CTNNA3: variants seen among roughly 807,000 people sequenced by gnomAD.
CTNNA3 encodes catenin alpha 3.
CTNNA3 carries 76 observed loss-of-function variants against 95.7 expected under a neutral mutation model. The ratio of observed to expected loss-of-function variants is 0.79; its 90% confidence interval spans 0.66 to 0.96. The LOEUF (loss-of-function observed/expected upper bound fraction) is 0.96. Ranked by LOEUF, CTNNA3 falls within the 40% of genes least tolerant of loss-of-function variation. The pLI is 0.00. For missense variants in CTNNA3, 1,191 were observed against 1,089.8 expected (o/e 1.09, Z -1.31); for synonymous variants, 431 against 374.4 (o/e 1.15, Z -1.74).
At chr10:66,324,473 G>A (rs944743347) in intron 12 of CTNNA3, among the ~76,000 whole-genome samples, 7 of 152,176 alleles carry the variant, frequency 4.6e-5, no homozygotes, top group African/African-American at 1.7e-4. Context: ...CCACTGAACT[G>A]GTTAACACTT....
intron 5 of CTNNA3, among the ~76,000 whole-genome samples, chr10:67,296,467 TA>T (rs1840033949): frequency 1.3e-5 from 2 of 152,214 alleles, no homozygotes; most frequent in South Asian, 4.1e-4. Flanking sequence ...TAAAATATTT[TA>T]TAAGTCCAAA....
intron 9 of CTNNA3, among the ~76,000 whole-genome samples, chr10:66,652,592 A>C (rs1564596465): frequency 6.6e-6 from 1 of 152,134 alleles, no homozygotes; most frequent in Non-Finnish European, 1.5e-5. Flanking sequence ...TCCTTCTCAA[A>C]CTCTTCTGAA....
At chr10:66,118,737 G>A (rs1419081182) in intron 13 of CTNNA3, among the ~76,000 whole-genome samples, 1 of 152,124 alleles carries the variant, frequency 6.6e-6, no homozygotes, top group Non-Finnish European at 1.5e-5. Flanking sequence ...GTTTTACAAT[G>A]AGAGAGCTGA....
At chr10:67,739,460 C>T (rs1314055565) in intron 1 of CTNNA3, among the ~76,000 whole-genome samples, 2 of 152,112 alleles carry the variant, frequency 1.3e-5, no homozygotes, top group South Asian at 4.1e-4. Context: ...TCAGCAAAGT[C>T]TCAGGATACA....
intron 10 of CTNNA3, among the ~76,000 whole-genome samples, chr10:66,544,094 A>T (rs1276165275): frequency 6.6e-6 from 1 of 151,892 alleles, no homozygotes; most frequent in East Asian, 1.9e-4. Context: ...ATAGTATTTT[A>T]GAATTTACTT....
intron 5 of CTNNA3, among the ~76,000 whole-genome samples, chr10:67,323,752 G>T (rs1841423658): frequency 6.6e-6 from 1 of 152,056 alleles, no homozygotes; most frequent in Non-Finnish European, 1.5e-5. Context: ...TGTTTCAATG[G>T]TAGTTTAATA....
intron 9 of CTNNA3, among the ~76,000 whole-genome samples, chr10:66,668,727 A>G (rs7906022): frequency 0.42 from 63,630 of 151,668 alleles, 16,120 homozygotes; most frequent in African/African-American, 0.71. Flanking sequence ...CATGAGAATC[A>G]CTTAAACCTG....
intron 5 of CTNNA3, among the ~76,000 whole-genome samples, chr10:67,324,772 GA>G (rs1451007251): frequency 6.6e-6 from 1 of 151,184 alleles, no homozygotes; most frequent in Non-Finnish European, 1.5e-5. Context: ...GTAGAAAGAA[GA>G]CCCTCCTTCT....
chr10:66,521,804 G>T (rs55742354), intron 10 of CTNNA3, among the ~76,000 whole-genome samples: 1 of 152,038 alleles, frequency 6.6e-6, no homozygotes, highest in Non-Finnish European at 1.5e-5. Flanking sequence ...TGCTTTGATT[G>T]TGATGTCTTC....
At chr10:66,672,305 G>C (rs1846691388) in intron 9 of CTNNA3, among the ~76,000 whole-genome samples, 1 of 152,114 alleles carries the variant, frequency 6.6e-6, no homozygotes, top group African/African-American at 2.4e-5. Context: ...AAGATATAAA[G>C]AGCTGAATTT....
chr10:66,043,974 GTGTGTGTGTGTGTGTGTGTGTT>G (rs1434200222), intron 15 of CTNNA3, among the ~76,000 whole-genome samples: 1 of 146,854 alleles, frequency 6.8e-6, no homozygotes, highest in Non-Finnish European at 1.5e-5. Flanking sequence ...GTGTGTGTGT[GTGTGTGTGTGTGTGTGTGTGTT>G]TGTGTGTGTC....
chr10:67,587,587 G>C (rs924564948), intron 3 of CTNNA3, among the ~76,000 whole-genome samples: 1 of 152,118 alleles, frequency 6.6e-6, no homozygotes, highest in Admixed American at 6.6e-5. Context: ...CTGATAGTTT[G>C]ATGGAGTTTC....
At chr10:67,341,881 A>T (rs1395193150) in intron 5 of CTNNA3, among the ~76,000 whole-genome samples, 1 of 151,854 alleles carries the variant, frequency 6.6e-6, no homozygotes, top group Non-Finnish European at 1.5e-5. Context: ...TTTGGGTATA[A>T]GCCATTTTAA....
At chr10:67,365,236 A>G (rs945995975) in intron 5 of CTNNA3, among the ~76,000 whole-genome samples, 3 of 152,216 alleles carry the variant, frequency 2.0e-5, no homozygotes, top group Admixed American at 6.5e-5. Context: ...AAGATGGAGC[A>G]CAGACTTAAA....
chr10:67,508,404 T>C (rs1839497066), intron 5 of CTNNA3, among the ~76,000 whole-genome samples: 1 of 152,150 alleles, frequency 6.6e-6, no homozygotes, highest in Non-Finnish European at 1.5e-5. Context: ...AAATACACAA[T>C]GTGGAAAAAA....
intron 11 of CTNNA3, among the ~76,000 whole-genome samples, chr10:66,474,975 T>C (rs2131885163): frequency 6.6e-6 from 1 of 152,188 alleles, no homozygotes; most frequent in Admixed American, 6.6e-5. Flanking sequence ...TAACCCCTTG[T>C]CACAAGTGCA....
intron 11 of CTNNA3, among the ~76,000 whole-genome samples, chr10:66,435,477 T>C (rs1343891167): frequency 2.0e-5 from 3 of 151,834 alleles, no homozygotes; most frequent in East Asian, 3.9e-4. Flanking sequence ...TGTATTTCTA[T>C]AGTATTCTCT....
intron 12 of CTNNA3, among the ~76,000 whole-genome samples, chr10:66,359,166 C>A (rs901314609): frequency 6.6e-6 from 1 of 152,142 alleles, no homozygotes; most frequent in African/African-American, 2.4e-5. Flanking sequence ...GAGGGGATAG[C>A]ATTGCATCCA....
intron 6 of CTNNA3, among the ~76,000 whole-genome samples, chr10:67,207,571 G>A (rs1863958379): frequency 1.3e-5 from 2 of 152,022 alleles, no homozygotes; most frequent in Non-Finnish European, 2.9e-5. Flanking sequence ...GAAAAACTAG[G>A]CAAGTCTACC....
Sources: allele counts gnomAD v4.1 joint callset (sites outside exome capture counted in the v4.1 genomes callset), GRCh38; gene constraint gnomAD v4.1.1; transcripts MANE v1.5; gene names NCBI Gene and HGNC (gene_info 2026-07-23, HGNC 2026-07-21).